Variants in DENND1B observed in about 807,000 individuals in gnomAD.
The protein encoded by DENND1B is DENN domain-containing protein 1B.
Under a neutral mutation model 90.1 loss-of-function variants are expected in DENND1B, and 59 were observed. That is an observed-to-expected ratio of 0.65 (90% CI 0.53 to 0.81). The LOEUF is 0.81. Among genes scored for constraint, DENND1B ranks in the 40% least tolerant of loss-of-function variants. The pLI, the probability that DENND1B is intolerant of heterozygous loss-of-function variation, is 0.00. For missense variants in DENND1B, 862 were observed against 912.6 expected (o/e 0.94, Z 0.71); for synonymous variants, 337 against 324.6 (o/e 1.04, Z -0.41).
chr1:197,514,338 T>C (rs1190465293), intron 20 of DENND1B, among the ~76,000 whole-genome samples: 1 of 151,660 alleles, frequency 6.6e-6, no homozygotes, highest in Non-Finnish European at 1.5e-5. Flanking sequence ...GCTAAGCTAG[T>C]GTCCTAACAA....
At chr1:197,519,849 C>T (rs953046796) in intron 20 of DENND1B, among the ~76,000 whole-genome samples, 2 of 151,804 alleles carry the variant, frequency 1.3e-5, no homozygotes, top group Non-Finnish European at 2.9e-5. Flanking sequence ...TATGTTGGTA[C>T]ATGGGATTTT....
chr1:197,575,324 T>G (rs1276932127), intron 15 of DENND1B, among the ~76,000 whole-genome samples: 1 of 151,524 alleles, frequency 6.6e-6, no homozygotes, highest in Non-Finnish European at 1.5e-5. Context: ...AACAGACATA[T>G]GAAAAAAGGG....
chr1:197,700,345 C>T (rs1435407258), intron 3 of DENND1B, among the ~76,000 whole-genome samples: 1 of 152,002 alleles, frequency 6.6e-6, no homozygotes, highest in Non-Finnish European at 1.5e-5. Context: ...CTTTGGCAAA[C>T]CTGACAAAAA....
chr1:197,555,653 A>AGAT (rs1310896010), intron 15 of DENND1B, among the ~76,000 whole-genome samples: 2 of 152,158 alleles, frequency 1.3e-5, no homozygotes, highest in African/African-American at 4.8e-5. Context: ...AACCACAATG[A>AGAT]GATACCACCT....
intron 2 of DENND1B, among the ~76,000 whole-genome samples, chr1:197,754,786 A>C (rs1168350689): frequency 1.3e-5 from 2 of 152,054 alleles, no homozygotes; most frequent in Non-Finnish European, 2.9e-5. Context: ...CAGATGAACC[A>C]GTTTACGGAA....
At chr1:197,558,820 G>T (rs192403117) in intron 15 of DENND1B, among the ~76,000 whole-genome samples, 108 of 151,954 alleles carry the variant, frequency 7.1e-4, no homozygotes, top group African/African-American at 2.5e-3. Flanking sequence ...TCAATTTAAA[G>T]AAATTATCTG....
chr1:197,606,745 C>G (rs1046893225), intron 13 of DENND1B: 86 of 187,434 alleles, frequency 4.6e-4, no homozygotes, highest in African/African-American at 2.0e-3. Context: ...GCAAGACATG[C>G]CACTAGGCAG....
chr1:197,685,631 A>G (rs1040922515), intron 3 of DENND1B: 2 of 152,176 alleles, frequency 1.3e-5, no homozygotes, highest in Non-Finnish European at 2.9e-5. Flanking sequence ...TTATTTATGT[A>G]TTCATTTTTT....
At chr1:197,769,773 T>A (rs1656172107) in intron 2 of DENND1B, among the ~76,000 whole-genome samples, 1 of 152,192 alleles carries the variant, frequency 6.6e-6, no homozygotes, top group Non-Finnish European at 1.5e-5. Flanking sequence ...AAAATTATCG[T>A]ACCTTAAACA....
rs776308919 is a variant in DENND1B at position 197,665,345 on chromosome 1, A to T, written c.296+6692T>A. ...AGATTACAGTAATTTCAAGTCCTAT[A>T]ATAGCATCATCCAGGAGTAGATAAA... On this transcript the variant is annotated intron_variant, in intron 5 of 22. Coordinates refer to ENST00000620048, the MANE Select transcript of DENND1B (RefSeq NM_001195215.2). Among the ~76,000 whole-genome samples the T allele has an allele frequency of 1.1e-4, 17 of 152,194 alleles. 1 individual carries two copies. The highest frequency in any genetic ancestry group is 5.2e-4 in the Admixed American group (8 of 15,280).
intron 5 of DENND1B, among the ~76,000 whole-genome samples, chr1:197,658,662 T>A (rs1407007041): frequency 6.6e-6 from 1 of 151,322 alleles, no homozygotes; most frequent in Non-Finnish European, 1.5e-5. Context: ...ATGCATAAGA[T>A]AAAAATTAAC....
At position 197,545,941 on chromosome 1, in the gene DENND1B, A is replaced by T; in HGVS notation, c.1331T>A (p.Val444Glu). ...ACTTACAAATTTATATGCTGTCCGTACAGCAGGGGTTGCTTTGGTCATTGC... is the reference window on the plus strand; with the variant it reads ...ACTTACAAATTTATATGCTGTCCGTTCAGCAGGGGTTGCTTTGGTCATTGC... ...NTAMTKATPA[V>E]RTAYKFAKNH... The change falls in exon 18 of 23, where the codon GTA (valine) becomes GAA (glutamate). Residue 444 changes from valine (V) to glutamate (E), a missense_variant. Coordinates refer to ENST00000620048, the MANE Select transcript of DENND1B (RefSeq NM_001195215.2). The T allele has an allele frequency of 6.2e-7, 1 of 1,606,062 alleles. No individual in the cohort carries two copies. Among genetic ancestry groups the T allele is most frequent in the Non-Finnish European group, 8.5e-7 (1 of 1,178,114 alleles).
At chr1:197,757,697 C>A (rs1382503501) in intron 2 of DENND1B, among the ~76,000 whole-genome samples, 2 of 152,080 alleles carry the variant, frequency 1.3e-5, no homozygotes, top group African/African-American at 4.8e-5. Flanking sequence ...AATTTCTGGA[C>A]TTAAATTCAG....
At chr1:197,734,855 G>T (rs901752104) in intron 2 of DENND1B, 4 of 984,442 alleles carry the variant, frequency 4.1e-6, no homozygotes, top group Non-Finnish European at 4.8e-6. Flanking sequence ...TTCATAAGGG[G>T]GAAAATAATC....
intron 19 of DENND1B, among the ~76,000 whole-genome samples, chr1:197,540,361 G>C (rs1230312440): frequency 6.6e-6 from 1 of 151,602 alleles, no homozygotes; most frequent in East Asian, 1.9e-4. Flanking sequence ...TTTATATAAA[G>C]ATAATTTGCT....
At chr1:197,579,179 G>A (rs1293686076) in intron 15 of DENND1B, among the ~76,000 whole-genome samples, 1 of 152,118 alleles carries the variant, frequency 6.6e-6, no homozygotes, top group Non-Finnish European at 1.5e-5. Context: ...ACTGTTTGAT[G>A]GAATAATTGG....
intron 2 of DENND1B, among the ~76,000 whole-genome samples, chr1:197,747,945 T>C (rs1019500272): frequency 6.6e-6 from 1 of 152,168 alleles, no homozygotes; most frequent in Non-Finnish European, 1.5e-5. Context: ...TGTCTTCTGA[T>C]AGCATCAATG....
At chr1:197,555,059 A>T (rs1671600997) in intron 15 of DENND1B, among the ~76,000 whole-genome samples, 1 of 152,022 alleles carries the variant, frequency 6.6e-6, no homozygotes, top group Admixed American at 6.6e-5. Flanking sequence ...CTTTAACAAA[A>T]TTGACAAAAA....
At chr1:197,747,044 TG>T in intron 2 of DENND1B, 2 of 803,592 alleles carry the variant, frequency 2.5e-6, no homozygotes, top group Non-Finnish European at 4.5e-6. Flanking sequence ...AATCAATCAT[TG>T]ACTCCAAAAT....
Sources: gnomAD v4.1 joint callset for allele counts (sites outside exome capture counted in the v4.1 genomes callset) on GRCh38, gnomAD v4.1.1 for gene constraint, MANE v1.5 for transcripts, NCBI Gene and HGNC (gene_info 2026-07-23, HGNC 2026-07-21) for gene names.